The following CAMK1D variants were observed in gnomAD, a reference collection of about 807,000 sequenced individuals.
CAMK1D encodes calcium/calmodulin dependent protein kinase ID, also known as calcium/calmodulin-dependent protein kinase type 1D.
Under a neutral mutation model 47.7 loss-of-function variants are expected in CAMK1D, and 9 were observed. That is an observed-to-expected ratio of 0.19 (90% CI 0.11 to 0.33). The LOEUF is 0.33. Ranked by LOEUF, CAMK1D falls within the 10% of genes least tolerant of loss-of-function variation. The pLI is 1.00. For synonymous variants in CAMK1D, 184 were observed against 184.9 expected (o/e 0.99, Z 0.04); for missense variants, 291 against 488.7 (o/e 0.60, Z 3.81).
intron 1 of CAMK1D, among the ~76,000 whole-genome samples, chr10:12,378,038 G>C (rs1184204392): frequency 6.6e-6 from 1 of 152,160 alleles, no homozygotes; most frequent in African/African-American, 2.4e-5. Flanking sequence ...CCAGGCATGC[G>C]GCCCAGCTCA....
At chr10:12,794,207 G>A (rs984767994) in intron 6 of CAMK1D, among the ~76,000 whole-genome samples, 5 of 152,158 alleles carry the variant, frequency 3.3e-5, no homozygotes, top group Admixed American at 6.5e-5. Flanking sequence ...TGGATGTGGA[G>A]GATGAAGGAG....
chr10:12,772,624 G>A (rs1372473517), intron 5 of CAMK1D, among the ~76,000 whole-genome samples: 3 of 152,200 alleles, frequency 2.0e-5, no homozygotes, highest in Non-Finnish European at 2.9e-5. Flanking sequence ...TCTGTTGATT[G>A]CTGTGTCTGG....
In CAMK1D at chr10:12,375,171, A is replaced by G. The variant is rs562413016; in HGVS notation, c.92+25261A>G. 1.8e-4 allele frequency among the ~76,000 whole-genome samples: 28 copies of G among 152,178 alleles called. 1 individual carries two copies. In the South Asian group the frequency reaches 5.6e-3, roughly 30 times the overall value. On this transcript the variant is annotated intron_variant, in intron 1 of 10. Transcript: ENST00000619168. ...ATGAGAGCAGGGGACACTTTCTTAC[A>G]TGTGATCTCTTACACGTGATTTTCC...
At chr10:12,564,205 C>T (rs1330398197) in intron 2 of CAMK1D, among the ~76,000 whole-genome samples, 1 of 149,800 alleles carries the variant, frequency 6.7e-6, no homozygotes, top group African/African-American at 2.5e-5. Context: ...TTTAAAAAGT[C>T]AGAATAGCTT....
At chr10:12,484,029 C>T (rs4750227) in intron 1 of CAMK1D, among the ~76,000 whole-genome samples, 3,012 of 152,234 alleles carry the variant, frequency 0.02, 150 homozygotes, top group Admixed American at 0.11. Flanking sequence ...GCTGGTGACC[C>T]GGTGACTTCA....
chr10:12,734,448 GTGTATA>G (rs1835075099), intron 3 of CAMK1D, among the ~76,000 whole-genome samples: 1 of 4,476 alleles, frequency 2.2e-4, no homozygotes, highest in African/African-American at 2.7e-4. Flanking sequence ...ACACACATAT[GTGTATA>G]TATACACATA....
intron 2 of CAMK1D, among the ~76,000 whole-genome samples, chr10:12,566,973 T>C (rs954189553): frequency 6.6e-6 from 1 of 152,184 alleles, no homozygotes; most frequent in Non-Finnish European, 1.5e-5. Flanking sequence ...CCTCCAGTGC[T>C]CTGCTGTTCA....
chr10:12,450,847 G>A (rs1833061984), intron 1 of CAMK1D, among the ~76,000 whole-genome samples: 1 of 152,234 alleles, frequency 6.6e-6, no homozygotes, highest in Admixed American at 6.5e-5. Context: ...CATTGTTCCA[G>A]AATAAAAGAA....
intron 2 of CAMK1D, among the ~76,000 whole-genome samples, chr10:12,640,039 C>T (rs940412254): frequency 6.6e-6 from 1 of 152,188 alleles, no homozygotes; most frequent in African/African-American, 2.4e-5. Flanking sequence ...TTCTACGAAG[C>T]TCCCCTTTTG....
At chr10:12,690,369 C>T (rs566122257) in intron 3 of CAMK1D, among the ~76,000 whole-genome samples, 74 of 152,232 alleles carry the variant, frequency 4.9e-4, no homozygotes, top group African/African-American at 1.5e-3. Flanking sequence ...ATTGGAGAGA[C>T]GCAGCCTCCA....
chr10:12,710,900 T>C (rs1373168672), intron 3 of CAMK1D, among the ~76,000 whole-genome samples: 2 of 152,030 alleles, frequency 1.3e-5, no homozygotes, highest in African/African-American at 4.8e-5. Flanking sequence ...CTTTGACATT[T>C]GATCAATCAC....
chr10:12,463,430 A>T (rs1833497057), intron 1 of CAMK1D, among the ~76,000 whole-genome samples: 1 of 152,146 alleles, frequency 6.6e-6, no homozygotes, highest in Non-Finnish European at 1.5e-5. Flanking sequence ...GAGCCACTGC[A>T]CTTGGCCAGC....
chr10:12,774,653 C>G (rs1222555245), intron 5 of CAMK1D, among the ~76,000 whole-genome samples: 1 of 152,142 alleles, frequency 6.6e-6, no homozygotes, highest in Admixed American at 6.5e-5. Context: ...GATACTGATT[C>G]GGGGCCTGTT....
chr10:12,475,447 G>A (rs1833874147), intron 1 of CAMK1D, among the ~76,000 whole-genome samples: 1 of 152,140 alleles, frequency 6.6e-6, no homozygotes, highest in East Asian at 1.9e-4. Flanking sequence ...GTTGCAGCAT[G>A]GGTCAGGATT....
chr10:12,383,437 G>A (rs1838400546), intron 1 of CAMK1D, among the ~76,000 whole-genome samples: 1 of 152,134 alleles, frequency 6.6e-6, no homozygotes, highest in Non-Finnish European at 1.5e-5. Flanking sequence ...GCAACTCGGG[G>A]AAATGTCAAA....
At chr10:12,764,952 G>T (rs140302414) in intron 4 of CAMK1D, among the ~76,000 whole-genome samples, 2 of 151,960 alleles carry the variant, frequency 1.3e-5, no homozygotes, top group Non-Finnish European at 2.9e-5. Context: ...AAAAGTAGCC[G>T]TGTGTGGTGG....
intron 3 of CAMK1D, chr10:12,667,012 C>A (rs1373145217): frequency 3.5e-6 from 2 of 564,312 alleles, no homozygotes; most frequent in African/African-American, 3.8e-5. Flanking sequence ...CTTGCACCAG[C>A]CTGCACTGCT....
At chr10:12,420,585 A>G (rs189858655) in intron 1 of CAMK1D, among the ~76,000 whole-genome samples, 8 of 152,226 alleles carry the variant, frequency 5.3e-5, no homozygotes, top group Admixed American at 3.9e-4. Flanking sequence ...TTGTCTAGAA[A>G]AATGGAATGT....
At chr10:12,355,088 C>T (rs1482637458) in intron 1 of CAMK1D, among the ~76,000 whole-genome samples, 2 of 152,054 alleles carry the variant, frequency 1.3e-5, no homozygotes, top group Non-Finnish European at 2.9e-5. Context: ...AGTGATCCTC[C>T]TACTTTGGGC....
Sources: gnomAD v4.1 joint callset for allele counts (sites outside exome capture counted in the v4.1 genomes callset) on GRCh38, gnomAD v4.1.1 for gene constraint, MANE v1.5 for transcripts, NCBI Gene and HGNC (gene_info 2026-07-23, HGNC 2026-07-21) for gene names.